PDE3A: variants seen among roughly 807,000 people sequenced by gnomAD.
PDE3A encodes the protein cGMP-inhibited 3',5'-cyclic phosphodiesterase 3A.
Under a neutral mutation model 98.3 loss-of-function variants are expected in PDE3A, and 43 were observed. That is an observed-to-expected ratio of 0.44 (90% CI 0.34 to 0.56). The LOEUF (loss-of-function observed/expected upper bound fraction) is 0.56, where lower values mean the gene tolerates loss of function less well. Ranked by LOEUF, PDE3A falls within the 20% of genes least tolerant of loss-of-function variation. The probability of loss-of-function intolerance (pLI) is 0.01; values close to 1 mark genes in which losing one functional copy is unlikely to be tolerated. For missense variants in PDE3A, 1,427 were observed against 1,440.7 expected (o/e 0.99, Z 0.15); for synonymous variants, 663 against 567.9 (o/e 1.17, Z -2.38).
intron 2 of PDE3A, among the ~76,000 whole-genome samples, chr12:20,596,226 T>A (rs1943462653): frequency 6.6e-6 from 1 of 152,108 alleles, no homozygotes; most frequent in Non-Finnish European, 1.5e-5. Flanking sequence ...AAATCCTGAG[T>A]GACTCACTAT....
chr12:20,555,584 C>G (rs55942408), intron 1 of PDE3A, among the ~76,000 whole-genome samples: 5,397 of 152,172 alleles, frequency 0.035, 134 homozygotes, highest in Middle Eastern at 0.066. Flanking sequence ...TGTTTATACT[C>G]TCCAATGAAA....
Position 20,508,175 on chromosome 12 carries a change from G to C in PDE3A, c.961-48485G>C, listed in dbSNP as rs111592296. On this transcript the variant is annotated intron_variant, in intron 1 of 15. Transcript: ENST00000359062. ...CTGTTTTCTTTGCCTGGACCACTTT[G>C]TCCCCAGTTATCCCCATAGCTCACT... Among the ~76,000 whole-genome samples, 420 of 151,934 alleles carry C rather than the reference G, an allele frequency of 2.8e-3. 6 individuals carry two copies. The highest frequency in any genetic ancestry group is 0.01 in the Middle Eastern group (3 of 294).
chr12:20,471,266 C>G (rs187540252), intron 1 of PDE3A, among the ~76,000 whole-genome samples: 2 of 152,226 alleles, frequency 1.3e-5, no homozygotes, highest in Non-Finnish European at 2.9e-5. Flanking sequence ...TTTAATTTGT[C>G]TACAAGTGGT....
rs1472136882 is a variant in PDE3A at position 20,386,082 on chromosome 12, A to AAT, written c.960+15844_960+15845dup. ...TATAAATATATATAAAATATATATA[A>AAT]ATATATAAATATATATAAATATATA... On this transcript the variant is annotated intron_variant, in intron 1 of 15. Transcript: ENST00000359062. 8.7e-3 allele frequency among the ~76,000 whole-genome samples: 238 copies of AAT among 27,282 alleles called. 19 individuals are homozygous for AAT. Among genetic ancestry groups the AAT allele is most frequent in the African/African-American group, 0.021 (205 of 9,566 alleles). The allele number at this position is 27,282 out of a possible 152,430, so 17.9% of individuals were successfully genotyped here. A position where few individuals can be genotyped will look rare whatever the true frequency, so the allele number is the denominator to read the frequency against.
At chr12:20,665,954 C>A (rs1022223935) in intron 15 of PDE3A, among the ~76,000 whole-genome samples, 1 of 135,944 alleles carries the variant, frequency 7.4e-6, no homozygotes, top group African/African-American at 2.8e-5. Flanking sequence ...GAGTATTTGT[C>A]ATTTCTTTTT....
intron 1 of PDE3A, among the ~76,000 whole-genome samples, chr12:20,524,836 G>T (rs1946486303): frequency 6.6e-6 from 1 of 151,914 alleles, no homozygotes; most frequent in Admixed American, 6.6e-5. Flanking sequence ...CCCTCTTGTG[G>T]TTAGAAGATG....
chr12:20,677,808 A>G (rs1357594157), intron 15 of PDE3A, among the ~76,000 whole-genome samples: 1 of 82,272 alleles, frequency 1.2e-5, no homozygotes, highest in African/African-American at 5.0e-5. Flanking sequence ...AGTTGGGTAA[A>G]GTTCCTTGGC....
chr12:20,539,401 T>G (rs1472970981), intron 1 of PDE3A, among the ~76,000 whole-genome samples: 1 of 152,118 alleles, frequency 6.6e-6, no homozygotes, highest in Non-Finnish European at 1.5e-5. Flanking sequence ...GCAAAAAAAG[T>G]TTCAGATCTT....
At chr12:20,388,130 C>T (rs906583594) in intron 1 of PDE3A, among the ~76,000 whole-genome samples, 1 of 151,882 alleles carries the variant, frequency 6.6e-6, no homozygotes, top group African/African-American at 2.4e-5. Flanking sequence ...CCTTAGTGGT[C>T]GTTTGGGTTG....
intron 1 of PDE3A, among the ~76,000 whole-genome samples, chr12:20,501,322 C>G (rs2121083168): frequency 6.6e-6 from 1 of 152,250 alleles, no homozygotes; most frequent in Admixed American, 6.5e-5. Context: ...ACATAAGTCT[C>G]TACAGCACCG....
chr12:20,442,578 C>T (rs571279476), intron 1 of PDE3A, among the ~76,000 whole-genome samples: 24 of 152,292 alleles, frequency 1.6e-4, no homozygotes, highest in Non-Finnish European at 2.8e-4. Context: ...CATCCTACCA[C>T]GTGGCTGAAA....
At position 20,472,500 on chromosome 12, in the gene PDE3A, T is replaced by C. The variant is rs530982439; in HGVS notation, c.961-84160T>C. The stretch of plus-strand genomic sequence containing the variant: ...TTTTCTTCCTAAAGGTGCAACTATT[T>C]AGTTGGATGTAAAATCCTACACTCT... On this transcript the variant is annotated intron_variant, in intron 1 of 15. Coordinates refer to ENST00000359062, the MANE Select transcript of PDE3A (RefSeq NM_000921.5). Among the ~76,000 whole-genome samples the C allele has an allele frequency of 7.9e-5, 12 of 152,252 alleles. No homozygotes were observed. The East Asian group carries it at 2.3e-3, about 29-fold the overall frequency.
intron 1 of PDE3A, among the ~76,000 whole-genome samples, chr12:20,537,126 G>A (rs1294161266): frequency 1.3e-5 from 2 of 151,972 alleles, no homozygotes; most frequent in African/African-American, 4.8e-5. Context: ...ATCTCACTGT[G>A]GTCTTGATTT....
chr12:20,667,501 T>C (rs1945346176), intron 15 of PDE3A, among the ~76,000 whole-genome samples: 1 of 152,188 alleles, frequency 6.6e-6, no homozygotes, highest in African/African-American at 2.4e-5. Context: ...GAATATCCAA[T>C]TTTCCCAGCA....
intron 1 of PDE3A, among the ~76,000 whole-genome samples, chr12:20,466,306 A>C (rs1945339287): frequency 6.6e-6 from 1 of 152,222 alleles, no homozygotes; most frequent in Non-Finnish European, 1.5e-5. Flanking sequence ...TATATGAGCA[A>C]ATAATTTTTT....
Position 20,428,885 on chromosome 12 carries a change from C to A in PDE3A, c.960+58641C>A, listed in dbSNP as rs560464772. Among the ~76,000 whole-genome samples, 5 of 152,246 alleles carry A rather than the reference C, an allele frequency of 3.3e-5. No homozygotes were observed. In the South Asian group the frequency reaches 8.3e-4, roughly 25 times the overall value. On this transcript the variant is annotated intron_variant, in intron 1 of 15. Coordinates refer to ENST00000359062, the MANE Select transcript of PDE3A (RefSeq NM_000921.5). ...CATCTGAAATAATATAATGAGCAACCTAAGTCTTTTGACAAGATCCATCAA... is the reference window on the plus strand; with the variant it reads ...CATCTGAAATAATATAATGAGCAACATAAGTCTTTTGACAAGATCCATCAA...
Position 20,464,928 on chromosome 12 carries a change from G to A in PDE3A, c.961-91732G>A, listed in dbSNP as rs942878231. 5.3e-5 allele frequency among the ~76,000 whole-genome samples: 8 copies of A among 152,132 alleles called. No homozygotes were observed. The East Asian group carries it at 1.5e-3, about 29-fold the overall frequency. ...CACCACATGATGAACTGATAACATGGCACACTCTATTTATACCCCTAGCAA... is the reference window on the plus strand; with the variant it reads ...CACCACATGATGAACTGATAACATGACACACTCTATTTATACCCCTAGCAA... On this transcript the variant is annotated intron_variant, in intron 1 of 15. Transcript: ENST00000359062.
At chr12:20,593,393 C>T (rs1034192364) in intron 2 of PDE3A, among the ~76,000 whole-genome samples, 3 of 152,076 alleles carry the variant, frequency 2.0e-5, no homozygotes, top group Non-Finnish European at 2.9e-5. Flanking sequence ...CCTAACTTCG[C>T]GGAGCCCTGA....
intron 1 of PDE3A, among the ~76,000 whole-genome samples, chr12:20,387,972 C>T (rs1299432336): frequency 2.0e-5 from 3 of 151,922 alleles, no homozygotes; most frequent in Non-Finnish European, 2.9e-5. Flanking sequence ...GTTATTTTTA[C>T]GTACTTTTAT....
Sources: allele counts gnomAD v4.1 joint callset (sites outside exome capture counted in the v4.1 genomes callset), GRCh38; gene constraint gnomAD v4.1.1; transcripts MANE v1.5; gene names NCBI Gene and HGNC (gene_info 2026-07-23, HGNC 2026-07-21).